CNBD1: variants seen among roughly 807,000 people sequenced by gnomAD.
The protein encoded by CNBD1 is cyclic nucleotide binding domain containing 1.
A neutral mutation model predicts 54.4 loss-of-function variants in CNBD1; 71 were observed. That is an observed-to-expected ratio of 1.30 (90% CI 1.08 to 1.59). The LOEUF is 1.59. CNBD1 is among the 40% of genes most tolerant of loss of function. The pLI is 0.00. For synonymous variants in CNBD1, 182 were observed against 170.7 expected, an observed-to-expected ratio of 1.07 and a Z score of -0.51; for missense variants, 659 against 518.0, an observed-to-expected ratio of 1.27 and a Z score of -2.64.
intron 4 of CNBD1, among the ~76,000 whole-genome samples, chr8:86,977,924 C>A (rs1808379062): frequency 6.6e-6 from 1 of 151,988 alleles, no homozygotes; most frequent in African/African-American, 2.4e-5. Context: ...GACAAAAACA[C>A]AACAATAAAA....
At chr8:86,930,672 G>T (rs1312205162) in intron 3 of CNBD1, among the ~76,000 whole-genome samples, 1 of 152,182 alleles carries the variant, frequency 6.6e-6, no homozygotes, top group East Asian at 1.9e-4. Flanking sequence ...ATAGAGGTTG[G>T]TTACAGCTGG....
intron 2 of CNBD1, among the ~76,000 whole-genome samples, chr8:87,414,080 T>C (rs1011920726): frequency 3.9e-5 from 6 of 152,312 alleles, no homozygotes; most frequent in Admixed American, 2.0e-4. Context: ...CACATATGTT[T>C]ATTGCGGCAC....
chr8:87,424,848 C>G (rs1422234194), intron 2 of CNBD1, among the ~76,000 whole-genome samples: 2 of 152,000 alleles, frequency 1.3e-5, no homozygotes, highest in African/African-American at 4.8e-5. Context: ...TCTGTATTTC[C>G]TGAATCTGAA....
At chr8:86,916,227 C>T (rs912846820) in intron 3 of CNBD1, among the ~76,000 whole-genome samples, 1 of 152,080 alleles carries the variant, frequency 6.6e-6, no homozygotes, top group Non-Finnish European at 1.5e-5. Context: ...AGTTTTAGAG[C>T]AGGAGTGAAA....
intron 8 of CNBD1, among the ~76,000 whole-genome samples, chr8:87,297,031 G>T (rs1808889334): frequency 6.6e-6 from 1 of 151,178 alleles, no homozygotes; most frequent in African/African-American, 2.4e-5. Context: ...AACAAAAATT[G>T]GCCGGGCTTG....
At chr8:87,344,924 G>T (rs1810139752) in intron 8 of CNBD1, among the ~76,000 whole-genome samples, 1 of 152,100 alleles carries the variant, frequency 6.6e-6, no homozygotes, top group Non-Finnish European at 1.5e-5. Context: ...AGTTACCCTG[G>T]TTAACTAGAA....
chr8:87,109,494 C>T (rs1811611537), intron 4 of CNBD1, among the ~76,000 whole-genome samples: 1 of 151,062 alleles, frequency 6.6e-6, no homozygotes, highest in East Asian at 1.9e-4. Context: ...ACCTGAACTA[C>T]TTGGAAAATT....
intron 5 of CNBD1, 93 bp downstream of exon 5, chr8:87,206,231 C>A (rs1813972954): frequency 9.9e-7 from 1 of 1,007,144 alleles, no homozygotes; most frequent in Non-Finnish European, 1.4e-6. Flanking sequence ...TTTCACTTAA[C>A]AATTTCAGTT....
At chr8:87,185,075 C>G (rs918912520) in intron 4 of CNBD1, among the ~76,000 whole-genome samples, 1 of 151,900 alleles carries the variant, frequency 6.6e-6, no homozygotes, top group African/African-American at 2.4e-5. Context: ...ATATTGTGGT[C>G]TAAGGATATA....
intron 3 of CNBD1, among the ~76,000 whole-genome samples, chr8:86,913,399 G>C (rs1230177516): frequency 6.6e-6 from 1 of 152,026 alleles, no homozygotes; most frequent in East Asian, 1.9e-4. Context: ...GTTATCGGGG[G>C]AACCTGCCCC....
intron 4 of CNBD1, among the ~76,000 whole-genome samples, chr8:87,059,506 A>C (rs1810497210): frequency 6.6e-6 from 1 of 152,248 alleles, no homozygotes; most frequent in Admixed American, 6.5e-5. Context: ...ACAGTTCTGC[A>C]GAGCTGGGGA....
intron 2 of CNBD1, among the ~76,000 whole-genome samples, chr8:86,895,669 G>A (rs927861713): frequency 2.0e-5 from 3 of 152,074 alleles, no homozygotes; most frequent in African/African-American, 4.8e-5. Context: ...GTATCTTGTT[G>A]CTTTAGTTTG....
At chr8:86,919,846 G>A (rs1026384840) in intron 3 of CNBD1, among the ~76,000 whole-genome samples, 8 of 152,104 alleles carry the variant, frequency 5.3e-5, no homozygotes, top group African/African-American at 1.9e-4. Flanking sequence ...CAGATCTCCT[G>A]GGGAGCTTAT....
At chr8:86,953,568 T>A (rs1358164621) in intron 4 of CNBD1, among the ~76,000 whole-genome samples, 2 of 152,084 alleles carry the variant, frequency 1.3e-5, no homozygotes, top group Non-Finnish European at 2.9e-5. Context: ...ACCACCTTAC[T>A]CCAACAATCC....
chr8:87,100,447 C>T, intron 4 of CNBD1, among the ~76,000 whole-genome samples: 1 of 152,190 alleles, frequency 6.6e-6, no homozygotes. Context: ...ACTTCTCAAT[C>T]TGAATGGGGA....
intron 4 of CNBD1, among the ~76,000 whole-genome samples, chr8:87,051,706 C>T (rs778000142): frequency 1.2e-4 from 19 of 152,194 alleles, no homozygotes; most frequent in African/African-American, 3.4e-4. Flanking sequence ...GGTTTAAGAA[C>T]GCCTTTAAGT....
At chr8:87,087,065 G>A (rs1307764963) in intron 4 of CNBD1, among the ~76,000 whole-genome samples, 1 of 150,914 alleles carries the variant, frequency 6.6e-6, no homozygotes, top group African/African-American at 2.4e-5. Flanking sequence ...AGGATGCAGT[G>A]TACTTCTTGG....
intron 2 of CNBD1, among the ~76,000 whole-genome samples, chr8:87,424,793 T>C (rs1298066277): frequency 6.6e-6 from 1 of 152,210 alleles, no homozygotes; most frequent in Admixed American, 6.5e-5. Context: ...CTGACAATTA[T>C]GTGTCTTGGA....
At chr8:87,282,031 A>G (rs1039921306) in intron 6 of CNBD1, among the ~76,000 whole-genome samples, 1 of 151,542 alleles carries the variant, frequency 6.6e-6, no homozygotes, top group African/African-American at 2.4e-5. Context: ...CAAATTATAG[A>G]TGTTTATTAG....
Sources: allele counts gnomAD v4.1 joint callset (sites outside exome capture counted in the v4.1 genomes callset), GRCh38; gene constraint gnomAD v4.1.1; transcripts MANE v1.5; gene names NCBI Gene and HGNC (gene_info 2026-07-23, HGNC 2026-07-21).